Variants in SCGB2B2 observed in about 807,000 individuals in gnomAD.
SCGB2B2 encodes secretoglobin family 2B member 2.
In SCGB2B2, 11 loss-of-function variants were observed where a neutral mutation model predicts 7.6. That is an observed-to-expected ratio of 1.45 (90% CI 0.91 to 2.40). The LOEUF (loss-of-function observed/expected upper bound fraction) is 2.40. SCGB2B2 is among the 30% of genes most tolerant of loss of function. The pLI, the probability that SCGB2B2 is intolerant of heterozygous loss-of-function variation, is 0.00. For missense variants in SCGB2B2, 104 were observed against 115.4 expected (o/e 0.90, Z 0.45); for synonymous variants, 50 against 48.6 (o/e 1.03, Z -0.12).
chr19:34,630,807 A>G (rs2066507937), intron 1 of SCGB2B2, among the ~76,000 whole-genome samples: 1 of 152,098 alleles, frequency 6.6e-6, no homozygotes, highest in Non-Finnish European at 1.5e-5. Flanking sequence ...ATAAAGACAC[A>G]TGCACACGTA....
intron 1 of SCGB2B2, chr19:34,631,889 T>C (rs905517248): frequency 4.6e-5 from 7 of 152,268 alleles, no homozygotes; most frequent in African/African-American, 1.7e-4. Context: ...AGACATAGTG[T>C]AAAATTATGT....
At chr19:34,652,277 A>G (rs1456015058) in intron 1 of SCGB2B2, among the ~76,000 whole-genome samples, 1 of 151,242 alleles carries the variant, frequency 6.6e-6, no homozygotes, top group Non-Finnish European at 1.5e-5. Context: ...GGATAACTGG[A>G]TTATATTAAA....
intron 1 of SCGB2B2, among the ~76,000 whole-genome samples, chr19:34,674,643 G>C (rs2067878112): frequency 6.6e-6 from 1 of 152,210 alleles, no homozygotes; most frequent in South Asian, 2.1e-4. Context: ...CTGGAGGATA[G>C]AGGGGTAACA....
downstream of SCGB2B2, among the ~76,000 whole-genome samples, chr19:34,588,460 G>A (rs2145707857): frequency 6.6e-6 from 1 of 152,332 alleles, no homozygotes; most frequent in Non-Finnish European, 1.5e-5. Flanking sequence ...CAGGTGGGCG[G>A]GAGGCTTGGC....
At chr19:34,589,383 C>G (rs2065248598), downstream of SCGB2B2, among the ~76,000 whole-genome samples, 1 of 152,128 alleles carries the variant, frequency 6.6e-6, no homozygotes, top group African/African-American at 2.4e-5. Flanking sequence ...TGGTGGGAGC[C>G]TGGCAGAGGT....
In SCGB2B2 at chr19:34,592,640, G is replaced by A. The variant is rs1009252933; in HGVS notation, c.*915C>T. On this transcript the variant is annotated 3_prime_UTR_variant, in exon 4 of 4. Transcript: ENST00000601241. ...GATGGAGCCTCATCAGTGTATTGAA[G>A]GCCACTGAGACCTCCATCGAGGATG... Among the ~76,000 whole-genome samples the A allele has an allele frequency of 1.3e-5, 2 of 152,156 alleles. No individual in the cohort carries two copies. Among genetic ancestry groups the A allele is most frequent in the Non-Finnish European group, 2.9e-5 (2 of 68,022 alleles).
At chr19:34,656,702 T>A (rs2067292325) in intron 1 of SCGB2B2, among the ~76,000 whole-genome samples, 1 of 151,398 alleles carries the variant, frequency 6.6e-6, no homozygotes, top group Non-Finnish European at 1.5e-5. Flanking sequence ...AAACTTCTTA[T>A]GTAATGGTGA....
intron 1 of SCGB2B2, among the ~76,000 whole-genome samples, chr19:34,600,718 T>C (rs1480875504): frequency 6.6e-6 from 1 of 152,202 alleles, no homozygotes; most frequent in Non-Finnish European, 1.5e-5. Flanking sequence ...TGCATGTTCT[T>C]TTCTATTTTT....
intron 1 of SCGB2B2, among the ~76,000 whole-genome samples, chr19:34,616,065 C>T (rs1290442608): frequency 2.0e-5 from 3 of 150,412 alleles, no homozygotes; most frequent in Non-Finnish European, 4.4e-5. Flanking sequence ...ATATGTGCCA[C>T]ATTTTCTTAA....
intron 1 of SCGB2B2, among the ~76,000 whole-genome samples, chr19:34,642,072 C>T (rs1446656463): frequency 6.6e-6 from 1 of 152,194 alleles, no homozygotes; most frequent in Non-Finnish European, 1.5e-5. Flanking sequence ...GTGAAGGGAA[C>T]CCAGGAAGCT....
At chr19:34,600,441 C>T (rs879278794) in intron 1 of SCGB2B2, among the ~76,000 whole-genome samples, 1 of 152,142 alleles carries the variant, frequency 6.6e-6, no homozygotes, top group Non-Finnish European at 1.5e-5. Context: ...ATAAGGCATT[C>T]ATATTCTTGA....
At chr19:34,652,854 G>C (rs2067195089) in intron 1 of SCGB2B2, among the ~76,000 whole-genome samples, 1 of 151,258 alleles carries the variant, frequency 6.6e-6, no homozygotes, top group Admixed American at 6.6e-5. Context: ...CCATTACTGG[G>C]TACACATCCA....
intron 1 of SCGB2B2, among the ~76,000 whole-genome samples, chr19:34,619,580 A>C (rs2066184665): frequency 6.6e-6 from 1 of 152,308 alleles, no homozygotes; most frequent in Admixed American, 6.5e-5. Context: ...GTAGTTCAGG[A>C]AAAAGAAAAT....
rs767848500 is a variant in SCGB2B2 at position 34,594,177 on chromosome 19, T to G, written c.244A>C (p.Ile82Leu). The G allele has an allele frequency of 4.7e-5, 76 of 1,613,658 alleles. No individual in the cohort carries two copies. Among genetic ancestry groups the G allele is most frequent in the Non-Finnish European group, 5.5e-5 (65 of 1,179,754 alleles). ...CAGGTCCCCCCGGGCACACTCACAA[T>G]AACAACTGAATGAGCAAATCTTTCT... ...VTERFAHSVVIKKILQSNDCI... is the reference protein window; with the variant it reads ...VTERFAHSVVLKKILQSNDCI... Residue 82 changes from isoleucine (I) to leucine (L), a missense_variant and splice_region_variant, in exon 3 of 4, where the codon ATT (isoleucine) becomes CTT (leucine). Ile to Leu is a conservative substitution (Grantham distance 5). Transcript: ENST00000601241.
chr19:34,627,876 G>A (rs529094422), intron 1 of SCGB2B2, among the ~76,000 whole-genome samples: 1 of 152,276 alleles, frequency 6.6e-6, no homozygotes. Context: ...TGGAAGTAAA[G>A]CACTCCTCTG....
At chr19:34,603,562 G>C (rs1443396539) in intron 1 of SCGB2B2, among the ~76,000 whole-genome samples, 3 of 152,108 alleles carry the variant, frequency 2.0e-5, no homozygotes, top group Non-Finnish European at 4.4e-5. Flanking sequence ...ATTGATCTAA[G>C]TCCATTCTAA....
At chr19:34,650,594 G>A (rs1290664145) in intron 1 of SCGB2B2, among the ~76,000 whole-genome samples, 1 of 151,326 alleles carries the variant, frequency 6.6e-6, no homozygotes, top group Non-Finnish European at 1.5e-5. Flanking sequence ...TTACAAGTCA[G>A]AAATTAAATC....
At chr19:34,638,719 G>T (rs1468017565) in intron 1 of SCGB2B2, among the ~76,000 whole-genome samples, 1 of 152,024 alleles carries the variant, frequency 6.6e-6, no homozygotes, top group Admixed American at 6.6e-5. Context: ...TACTTCAAAG[G>T]TTTAATGCCA....
In SCGB2B2 at chr19:34,599,629, CAT is replaced by C. The variant is rs550927897; in HGVS notation, c.-2031-3037_-2031-3036del. ...GATCTCTCACTAGGTGCCTCCCACA[CAT>C]GTGGGAATTATAGGCATACAATTCA... is the stretch of plus-strand genomic sequence containing the variant. On this transcript the variant is annotated intron_variant, in intron 1 of 3. Coordinates refer to ENST00000601241, the MANE Select transcript of SCGB2B2 (RefSeq NM_001025591.4). Among the ~76,000 whole-genome samples, 304 of 152,268 alleles carry C rather than the reference CAT, an allele frequency of 2.0e-3. 3 individuals are homozygous for C. Among genetic ancestry groups the C allele is most frequent in the African/African-American group, 7.1e-3 (294 of 41,536 alleles).
Sources: gnomAD v4.1 joint callset for allele counts (sites outside exome capture counted in the v4.1 genomes callset) on GRCh38, gnomAD v4.1.1 for gene constraint, MANE v1.5 for transcripts, NCBI Gene and HGNC (gene_info 2026-07-23, HGNC 2026-07-21) for gene names.